IL7: variants seen among roughly 807,000 people sequenced by gnomAD.
The protein encoded by IL7 is interleukin 7, also known as interleukin-7.
IL7 carries 3 observed loss-of-function variants against 21.6 expected under a neutral mutation model. The ratio of observed to expected loss-of-function variants is 0.14; its 90% CI spans 0.06 to 0.36. The LOEUF is 0.36. Among genes scored for constraint, IL7 ranks in the 10% least tolerant of loss-of-function variants. The pLI is 1.00. For synonymous variants in IL7, 62 were observed against 68.1 expected, an observed-to-expected ratio of 0.91 and a Z score of 0.44; for missense variants, 175 against 200.2, an observed-to-expected ratio of 0.87 and a Z score of 0.76.
chr8:78,778,439 C>T (rs1813204850), intron 2 of IL7, among the ~76,000 whole-genome samples: 1 of 152,058 alleles, frequency 6.6e-6, no homozygotes, highest in African/African-American at 2.4e-5. Context: ...TTACTATTAG[C>T]AGATGCTTAA....
chr8:78,752,964 T>C (rs1812224754), intron 2 of IL7, among the ~76,000 whole-genome samples: 1 of 152,208 alleles, frequency 6.6e-6, no homozygotes, highest in African/African-American at 2.4e-5. Flanking sequence ...ATGGTGTATA[T>C]GTGCCACGTT....
intron 2 of IL7, among the ~76,000 whole-genome samples, chr8:78,740,994 T>G (rs1811760588): frequency 6.6e-6 from 1 of 152,192 alleles, no homozygotes; most frequent in African/African-American, 2.4e-5. Context: ...GGACTAGCTC[T>G]GTCCAGCAAA....
chr8:78,725,153 T>A (rs926094772), intron 3 of IL7, among the ~76,000 whole-genome samples: 1 of 151,986 alleles, frequency 6.6e-6, no homozygotes, highest in Non-Finnish European at 1.5e-5. Flanking sequence ...GAGGGAGTAT[T>A]CATGTGACTT....
At chr8:78,767,344 G>C (rs1283406767) in intron 2 of IL7, among the ~76,000 whole-genome samples, 2 of 151,818 alleles carry the variant, frequency 1.3e-5, no homozygotes, top group Non-Finnish European at 2.9e-5. Context: ...TTTATTGTCA[G>C]ATAGTCATTC....
At chr8:78,695,751 C>G (rs1401648569) in intron 3 of IL7, among the ~76,000 whole-genome samples, 1 of 152,122 alleles carries the variant, frequency 6.6e-6, no homozygotes, top group Non-Finnish European at 1.5e-5. Context: ...CTCCCAAAGT[C>G]TCATAGACAT....
chr8:78,769,260 G>A (rs968333477), intron 2 of IL7, among the ~76,000 whole-genome samples: 10 of 152,160 alleles, frequency 6.6e-5, no homozygotes, highest in African/African-American at 1.4e-4. Context: ...GTTTGCAGAT[G>A]ACATGATTGT....
intron 5 of IL7, among the ~76,000 whole-genome samples, chr8:78,720,232 A>T (rs998256373): frequency 6.6e-6 from 1 of 151,812 alleles, no homozygotes; most frequent in Non-Finnish European, 1.5e-5. Context: ...AGCTCTGGAG[A>T]TGAAAAAATA....
intron 2 of IL7, among the ~76,000 whole-genome samples, chr8:78,751,154 G>T (rs2130733762): frequency 6.6e-6 from 1 of 150,654 alleles, no homozygotes; most frequent in Middle Eastern, 3.4e-3. Context: ...ACTACAAAAG[G>T]AGTAGCATAC....
chr8:78,701,858 A>C (rs1287505161), intron 3 of IL7, among the ~76,000 whole-genome samples: 2 of 152,204 alleles, frequency 1.3e-5, no homozygotes, highest in African/African-American at 4.8e-5. Flanking sequence ...CCTGGTGGAT[A>C]AGCTTGTTGA....
chr8:78,738,376 T>A (rs1586055386), intron 4 of IL7, 128 bp downstream of exon 4: 1 of 751,812 alleles, frequency 1.3e-6, no homozygotes, highest in East Asian at 2.8e-5. Context: ...TGAGTAAACA[T>A]ACTTCAACTT....
downstream of IL7, among the ~76,000 whole-genome samples, chr8:78,716,590 A>G (rs1037351992): frequency 6.6e-6 from 1 of 152,166 alleles, no homozygotes; most frequent in Admixed American, 6.5e-5. Flanking sequence ...CTTGAAACCT[A>G]AGGATCTCTA....
intron 4 of IL7, among the ~76,000 whole-genome samples, chr8:78,737,731 T>C (rs1811641449): frequency 6.6e-6 from 1 of 152,182 alleles, no homozygotes; most frequent in African/African-American, 2.4e-5. Flanking sequence ...AAAAATGTTA[T>C]TTAAGAAAAT....
chr8:78,793,690 A>G (rs78727173), intron 2 of IL7, among the ~76,000 whole-genome samples: 2 of 152,080 alleles, frequency 1.3e-5, no homozygotes, highest in Non-Finnish European at 2.9e-5. Flanking sequence ...TGAGGCAACA[A>G]TGAAGTTTGC....
intron 2 of IL7, among the ~76,000 whole-genome samples, chr8:78,747,492 C>A (rs1271364207): frequency 6.6e-6 from 1 of 152,054 alleles, no homozygotes; most frequent in Admixed American, 6.6e-5. Flanking sequence ...CCATCTGAAG[C>A]CTTATTTAGG....
rs549923074 is a variant in IL7 at position 78,767,913 on chromosome 8, C to T, written c.148-27831G>A. On this transcript the variant is annotated intron_variant, in intron 2 of 5. Coordinates refer to ENST00000263851, the MANE Select transcript of IL7 (RefSeq NM_000880.4). ...ATTTGGTATATCTCCTAAAGCTATC[C>T]CTCCCCCTCCCCCCACCTCACAACA... 7.9e-5 allele frequency among the ~76,000 whole-genome samples: 12 copies of T among 151,890 alleles called. No individual in the cohort carries two copies. The South Asian group carries it at 2.5e-3, about 32-fold the overall frequency.
chr8:78,679,748 AT>A (rs1234993792), intron 4 of IL7, among the ~76,000 whole-genome samples: 1 of 152,136 alleles, frequency 6.6e-6, no homozygotes, highest in Non-Finnish European at 1.5e-5. Context: ...GTATAAGAAC[AT>A]TTTTCTAGGG....
chr8:78,750,529 A>T (rs577030572), intron 2 of IL7, among the ~76,000 whole-genome samples: 2 of 152,298 alleles, frequency 1.3e-5, no homozygotes, highest in East Asian at 1.9e-4. Flanking sequence ...TCTTTTTAAA[A>T]GTCTATGATT....
chr8:78,803,033 G>C (rs908875812), intron 1 of IL7, among the ~76,000 whole-genome samples: 1 of 152,182 alleles, frequency 6.6e-6, no homozygotes, highest in South Asian at 2.1e-4. Context: ...AAGTCACATA[G>C]ATGAGTGTGA....
chr8:78,734,962 A>T lies in IL7; in HGVS notation c.415-1130T>A, dbSNP rs141926130. ...TCTGTCCTATTTTTAATTTGGCCAC[A>T]AATTCAGATCTCTTTTTGTCATGTA... On this transcript the variant is annotated intron_variant, in intron 5 of 5. Coordinates refer to ENST00000263851, the MANE Select transcript of IL7 (RefSeq NM_000880.4). 3.9e-5 allele frequency among the ~76,000 whole-genome samples: 6 copies of T among 152,302 alleles called. No homozygotes were observed. The East Asian group carries it at 1.2e-3, about 29-fold the overall frequency.
Sources: gnomAD v4.1 joint callset for allele counts (sites outside exome capture counted in the v4.1 genomes callset) on GRCh38, gnomAD v4.1.1 for gene constraint, MANE v1.5 for transcripts, NCBI Gene and HGNC (gene_info 2026-07-23, HGNC 2026-07-21) for gene names.